The following KATNA1 variants were observed in gnomAD, a reference collection of about 807,000 sequenced individuals.
KATNA1 encodes katanin catalytic subunit A1.
A neutral mutation model predicts 62.6 loss-of-function variants in KATNA1; 42 were observed. The ratio of observed to expected loss-of-function variants is 0.67; its 90% CI spans 0.52 to 0.87. The LOEUF (loss-of-function observed/expected upper bound fraction) is 0.87, where lower values mean the gene tolerates loss of function less well. KATNA1 is among the 40% of genes least tolerant of loss of function. The pLI is 0.00. For missense variants in KATNA1, 498 were observed against 612.5 expected, an observed-to-expected ratio of 0.81 and a Z score of 1.97; for synonymous variants, 186 against 201.9, an observed-to-expected ratio of 0.92 and a Z score of 0.67.
intron 3 of KATNA1, among the ~76,000 whole-genome samples, chr6:149,626,423 T>C (rs1321353804): frequency 1.4e-5 from 2 of 145,040 alleles, no homozygotes; most frequent in Non-Finnish European, 3.0e-5. Flanking sequence ...GCCTCCCGAG[T>C]AGCTGGGACT....
At chr6:149,648,293 T>G (rs1483220391) in intron 1 of KATNA1, among the ~76,000 whole-genome samples, 176 bp downstream of exon 1, 1 of 152,196 alleles carries the variant, frequency 6.6e-6, no homozygotes, top group Non-Finnish European at 1.5e-5. Flanking sequence ...GTAGGGGGAC[T>G]GTCACCTAAG....
chr6:149,647,693 TA>T (rs1780543537), intron 1 of KATNA1, among the ~76,000 whole-genome samples: 1 of 152,216 alleles, frequency 6.6e-6, no homozygotes, highest in South Asian at 2.1e-4. Context: ...GCACCCATTC[TA>T]AAACATCGGG....
chr6:149,624,620 TCCTCCCACCTTGG>T (rs1448486816), intron 3 of KATNA1, among the ~76,000 whole-genome samples: 6 of 151,942 alleles, frequency 3.9e-5, no homozygotes, highest in Non-Finnish European at 8.8e-5. Context: ...GCTCAATCGA[TCCTCCCACCTTGG>T]CCTCCCAAAG....
At chr6:149,609,418 T>C (rs1412052923) in intron 4 of KATNA1, among the ~76,000 whole-genome samples, 3 of 152,024 alleles carry the variant, frequency 2.0e-5, no homozygotes, top group Admixed American at 6.6e-5. Flanking sequence ...CCAGGTGTGG[T>C]GGCCCACGCC....
intron 1 of KATNA1, among the ~76,000 whole-genome samples, chr6:149,645,424 C>T (rs1338678090): frequency 1.5e-5 from 2 of 137,088 alleles, no homozygotes; most frequent in South Asian, 4.4e-4. Flanking sequence ...GCCTGGGCGA[C>T]AGAGCAAGAC....
chr6:149,635,489 T>C (rs955596546), intron 2 of KATNA1, among the ~76,000 whole-genome samples: 1 of 152,200 alleles, frequency 6.6e-6, no homozygotes, highest in Non-Finnish European at 1.5e-5. Context: ...GCAGATCACC[T>C]GAGGTCAGGA....
intron 4 of KATNA1, 132 bp from the exon 5 acceptor site, chr6:149,604,914 C>T (rs1778678344): frequency 5.2e-6 from 4 of 775,214 alleles, no homozygotes; most frequent in South Asian, 5.0e-5. Flanking sequence ...GTGGCTCACA[C>T]CTGTAATCCC....
intron 1 of KATNA1, among the ~76,000 whole-genome samples, chr6:149,642,933 T>C (rs1306646112): frequency 6.6e-6 from 1 of 152,232 alleles, no homozygotes; most frequent in Non-Finnish European, 1.5e-5. Context: ...TGGCACTCAA[T>C]GACCTTTGCC....
chr6:149,597,663 AGT>A (rs1778380566), intron 8 of KATNA1, 22 bp from the exon 9 acceptor site: 1 of 1,601,008 alleles, frequency 6.2e-7, no homozygotes, highest in Non-Finnish European at 8.5e-7. Context: ...GTAAGGGGAG[AGT>A]GAAAAAGATA....
chr6:149,620,146 T>C (rs943991841), intron 4 of KATNA1, among the ~76,000 whole-genome samples: 3 of 152,140 alleles, frequency 2.0e-5, no homozygotes, highest in South Asian at 2.1e-4. Flanking sequence ...GTTGATCTCA[T>C]AGACGTACAG....
At chr6:149,624,165 T>C (rs564144086) in intron 3 of KATNA1, among the ~76,000 whole-genome samples, 2 of 152,224 alleles carry the variant, frequency 1.3e-5, no homozygotes, top group Non-Finnish European at 2.9e-5. Context: ...AATGTCCCAA[T>C]GAGCACTTCC....
intron 6 of KATNA1, 39 bp from the exon 7 acceptor site, chr6:149,601,791 G>T: frequency 6.9e-7 from 1 of 1,453,584 alleles, no homozygotes; most frequent in Non-Finnish European, 9.1e-7. Context: ...GGATTTATCT[G>T]CCATTGTTCT....
At chr6:149,633,914 A>AC (rs1554225721) in intron 2 of KATNA1, among the ~76,000 whole-genome samples, 41 of 150,744 alleles carry the variant, frequency 2.7e-4, no homozygotes, top group Non-Finnish European at 4.4e-5. Flanking sequence ...CGGAGATCAC[A>AC]CCATTGCACT....
chr6:149,612,379 C>T (rs1053470256), intron 4 of KATNA1, among the ~76,000 whole-genome samples: 4 of 151,912 alleles, frequency 2.6e-5, no homozygotes, highest in African/African-American at 9.7e-5. Flanking sequence ...CGTGGTGGCA[C>T]GCATCTGTAA....
At chr6:149,603,407 A>G in intron 5 of KATNA1, 34 bp from the exon 6 acceptor site, 1 of 998,938 alleles carries the variant, frequency 1.0e-6, no homozygotes, top group Non-Finnish European at 1.6e-6. Context: ...ACAACCCTTT[A>G]GATGATACAT....
intron 4 of KATNA1, among the ~76,000 whole-genome samples, chr6:149,612,783 G>A (rs751033108): frequency 2.0e-5 from 3 of 151,960 alleles, no homozygotes; most frequent in Non-Finnish European, 4.4e-5. Flanking sequence ...TTATTCCAGG[G>A]ACATAAGACT....
intron 4 of KATNA1, 119 bp downstream of exon 4, chr6:149,622,983 TG>T: frequency 1.4e-6 from 1 of 708,970 alleles, no homozygotes; most frequent in Non-Finnish European, 2.2e-6. Flanking sequence ...CACCCCAGCC[TG>T]GGTGACAGAG....
intron 3 of KATNA1, among the ~76,000 whole-genome samples, chr6:149,626,693 A>G (rs1779622781): frequency 6.6e-6 from 1 of 151,288 alleles, no homozygotes; most frequent in South Asian, 2.1e-4. Flanking sequence ...GTGCAAATAT[A>G]CACCATCTGG....
At chr6:149,612,610 T>C (rs1779004521) in intron 4 of KATNA1, among the ~76,000 whole-genome samples, 1 of 152,142 alleles carries the variant, frequency 6.6e-6, no homozygotes, top group Non-Finnish European at 1.5e-5. Flanking sequence ...TATATTACCC[T>C]GATACTGAAA....
Sources: gnomAD v4.1 joint callset for allele counts (sites outside exome capture counted in the v4.1 genomes callset) on GRCh38, gnomAD v4.1.1 for gene constraint, MANE v1.5 for transcripts, NCBI Gene and HGNC (gene_info 2026-07-23, HGNC 2026-07-21) for gene names.